AGAP1: variants seen among roughly 807,000 people sequenced by gnomAD.
The protein encoded by AGAP1 is ArfGAP with GTPase domain, ankyrin repeat and PH domain 1, also known as arf-GAP with GTPase, ANK repeat and PH domain-containing protein 1.
A neutral mutation model predicts 105.3 loss-of-function variants in AGAP1; 29 were observed. That is an observed-to-expected ratio of 0.28 (90% CI 0.21 to 0.38). AGAP1 has a LOEUF of 0.38. Among genes scored for constraint, AGAP1 ranks in the 10% least tolerant of loss-of-function variants. The probability of loss-of-function intolerance (pLI) is 1.00; values close to 1 mark genes in which losing one functional copy is unlikely to be tolerated. For synonymous variants in AGAP1, 509 were observed against 485.9 expected, an observed-to-expected ratio of 1.05 and a Z score of -0.63; for missense variants, 998 against 1,165.1, an observed-to-expected ratio of 0.86 and a Z score of 2.09.
chr2:235,809,658 G>A (rs72983061), intron 9 of AGAP1, among the ~76,000 whole-genome samples: 33,879 of 152,122 alleles, frequency 0.22, 4,796 homozygotes, highest in Admixed American at 0.39. Flanking sequence ...ATTGATGTGG[G>A]TTTGCAGACG....
intron 16 of AGAP1, among the ~76,000 whole-genome samples, chr2:236,102,206 A>G (rs1396310185): frequency 6.6e-6 from 1 of 152,110 alleles, no homozygotes; most frequent in Non-Finnish European, 1.5e-5. Flanking sequence ...TCACAAGGTC[A>G]GGAGATCGAG....
chr2:235,797,367 C>G (rs1282694779), intron 6 of AGAP1, among the ~76,000 whole-genome samples: 1 of 152,046 alleles, frequency 6.6e-6, no homozygotes, highest in East Asian at 1.9e-4. Flanking sequence ...GCTCCTGTTC[C>G]CAGTGTCGCC....
intron 1 of AGAP1, among the ~76,000 whole-genome samples, chr2:235,613,336 C>T (rs2149258358): frequency 6.6e-6 from 1 of 152,298 alleles, no homozygotes; most frequent in South Asian, 2.1e-4. Flanking sequence ...AGGCAAGCAG[C>T]CCTGGGGATG....
intron 1 of AGAP1, among the ~76,000 whole-genome samples, chr2:235,575,123 GA>G (rs1662141774): frequency 7.9e-6 from 1 of 127,236 alleles, no homozygotes; most frequent in Admixed American, 7.5e-5. Context: ...ATCCTGTCTC[GA>G]AAAAACAAAA....
intron 1 of AGAP1, among the ~76,000 whole-genome samples, chr2:235,602,789 C>T (rs1203599122): frequency 6.6e-6 from 1 of 152,192 alleles, no homozygotes; most frequent in Non-Finnish European, 1.5e-5. Flanking sequence ...GCAACCTCCG[C>T]CTCCTGGGTT....
intron 11 of AGAP1, among the ~76,000 whole-genome samples, chr2:235,926,148 A>G (rs907874751): frequency 6.6e-6 from 1 of 152,256 alleles, no homozygotes. Context: ...AGTTAATGAC[A>G]TTCATTCAAG....
rs2055009838 is a variant in AGAP1 at position 235,979,701 on chromosome 2, G to T, written c.1645+11078G>T. ...AGAAAATTGGCCATTTGTCTGTGGG[G>T]TAATGGGCTTTGCTGCAATATGAAA... is the stretch of plus-strand genomic sequence containing the variant. On this transcript the variant is annotated intron_variant, in intron 13 of 17. Transcript: ENST00000304032. This position sits in a 1 kb window ranked among gnomAD's most constrained non-coding sequence, Gnocchi z 4.5. 6.6e-6 allele frequency among the ~76,000 whole-genome samples: 1 copy of T among 152,184 alleles called. No individual in the cohort carries two copies. Among genetic ancestry groups the T allele is most frequent in the Non-Finnish European group, 1.5e-5 (1 of 68,024 alleles).
chr2:235,815,665 A>T (rs538912025), intron 9 of AGAP1, among the ~76,000 whole-genome samples: 1 of 152,172 alleles, frequency 6.6e-6, no homozygotes, highest in Non-Finnish European at 1.5e-5. Flanking sequence ...TCTAACCAAC[A>T]TATTTGAGAA....
At chr2:235,708,887 G>A (rs749937969) in intron 1 of AGAP1, among the ~76,000 whole-genome samples, 19 of 152,216 alleles carry the variant, frequency 1.2e-4, no homozygotes, top group Non-Finnish European at 2.5e-4. Flanking sequence ...TCCACTGAAG[G>A]GCTGTGGCTT....
At chr2:236,122,385 G>T (rs775885232) in intron 17 of AGAP1, among the ~76,000 whole-genome samples, 2 of 152,142 alleles carry the variant, frequency 1.3e-5, no homozygotes, top group African/African-American at 4.8e-5. Context: ...TGAATTGTTG[G>T]TGGGAGCGGG....
chr2:235,667,758 A>AGACCAGCAT (rs1948173455), intron 1 of AGAP1, among the ~76,000 whole-genome samples: 1 of 152,060 alleles, frequency 6.6e-6, no homozygotes. Flanking sequence ...CAGGAGTTCG[A>AGACCAGCAT]GACCAGCATG....
intron 13 of AGAP1, among the ~76,000 whole-genome samples, chr2:235,984,447 A>G (rs1487062327): frequency 6.6e-6 from 1 of 150,694 alleles, no homozygotes; most frequent in Non-Finnish European, 1.5e-5. Context: ...ACTCTGTTCA[A>G]CTTTTCAAGG....
intron 1 of AGAP1, among the ~76,000 whole-genome samples, chr2:235,503,650 A>G (rs542567502): frequency 6.6e-6 from 1 of 152,314 alleles, no homozygotes; most frequent in East Asian, 1.9e-4. Context: ...GCTGAAGTGC[A>G]GTGGCACTAT....
rs1034779463 is a variant in AGAP1 at position 235,866,507 on chromosome 2, G to A, written c.1051-16838G>A. On this transcript the variant is annotated intron_variant, in intron 9 of 17. Coordinates refer to ENST00000304032, the MANE Select transcript of AGAP1 (RefSeq NM_001037131.3). The surrounding 1 kb of genome is among the most constrained non-coding windows in gnomAD (Gnocchi z 6.1). ...GTGGGGCGTATTTGGTGAGACTGGTGAGGTCAGCATTGGACCACCTCCCAT... is the reference window on the plus strand; with the variant it reads ...GTGGGGCGTATTTGGTGAGACTGGTAAGGTCAGCATTGGACCACCTCCCAT... Among the ~76,000 whole-genome samples, 6 of 152,318 alleles carry A rather than the reference G, an allele frequency of 3.9e-5. No individual in the cohort carries two copies. The South Asian group carries it at 1.2e-3, about 32-fold the overall frequency.
chr2:236,094,291 TAA>T (rs201524432), intron 16 of AGAP1, among the ~76,000 whole-genome samples: 7 of 139,482 alleles, frequency 5.0e-5, no homozygotes, highest in African/African-American at 1.3e-4. Flanking sequence ...TCTATATCTT[TAA>T]AAAAAAAAAA....
At chr2:235,859,625 T>G (rs559064457) in intron 9 of AGAP1, among the ~76,000 whole-genome samples, 15 of 151,164 alleles carry the variant, frequency 9.9e-5, no homozygotes, top group African/African-American at 3.4e-4. Flanking sequence ...AGTAACTCAA[T>G]GCTCAGAGAG....
In AGAP1 at chr2:235,979,088, TC is replaced by T. The variant is rs201056014; in HGVS notation, c.1645+10466del. On this transcript the variant is annotated intron_variant, in intron 13 of 17. Coordinates refer to ENST00000304032, the MANE Select transcript of AGAP1 (RefSeq NM_001037131.3). This position sits in a 1 kb window ranked among gnomAD's most constrained non-coding sequence, Gnocchi z 4.5. ...TTCATTTTAAGATTGATATGCTTTT[TC>T]TTTTTTTGGATGACAGAAGTGTATT... is the stretch of plus-strand genomic sequence containing the variant. 0.028 allele frequency among the ~76,000 whole-genome samples: 4,309 copies of T among 151,536 alleles called. 218 individuals are homozygous for T. The highest frequency in any genetic ancestry group is 0.099 in the African/African-American group (4,055 of 40,934).
intron 1 of AGAP1, among the ~76,000 whole-genome samples, chr2:235,571,804 C>T (rs1944524578): frequency 6.6e-6 from 1 of 151,706 alleles, no homozygotes; most frequent in African/African-American, 2.4e-5. Flanking sequence ...CACTTTGTAG[C>T]CCAGGCTGGT....
At chr2:235,764,466 TC>T (rs1010290720) in intron 6 of AGAP1, among the ~76,000 whole-genome samples, 2 of 151,832 alleles carry the variant, frequency 1.3e-5, no homozygotes, top group Admixed American at 1.3e-4. Context: ...CTAAAGCACA[TC>T]CCCCCCACTT....
Sources: gnomAD v4.1 joint callset for allele counts (sites outside exome capture counted in the v4.1 genomes callset) on GRCh38, gnomAD v4.1.1 for gene constraint, Gnocchi (gnomAD v3.1) non-coding constraint, MANE v1.5 for transcripts, NCBI Gene and HGNC (gene_info 2026-07-23, HGNC 2026-07-21) for gene names.